LRTM1: variants seen among roughly 807,000 people sequenced by gnomAD.
LRTM1 encodes the protein leucine rich repeat transmembrane protein 1.
Under a neutral mutation model 32.4 loss-of-function variants are expected in LRTM1, and 38 were observed. The observed-to-expected ratio is 1.17, with a 90% CI of 0.91 to 1.54. The LOEUF is 1.54. Among genes scored for constraint, LRTM1 ranks in the 40% most tolerant of loss-of-function variants. The pLI is 0.00. For synonymous variants in LRTM1, 186 were observed against 169.9 expected, an observed-to-expected ratio of 1.09 and a Z score of -0.74; for missense variants, 466 against 415.4, an observed-to-expected ratio of 1.12 and a Z score of -1.06.
At chr3:54,966,793 T>G (rs948261992) in intron 1 of LRTM1, 1 of 152,482 alleles carries the variant, frequency 6.6e-6, no homozygotes, top group African/African-American at 2.4e-5. Flanking sequence ...CACTCCAGCC[T>G]GGACAGCAGA....
At chr3:54,941,350 T>C (rs778405079) in intron 1 of LRTM1, among the ~76,000 whole-genome samples, 19 of 152,190 alleles carry the variant, frequency 1.2e-4, no homozygotes, top group Non-Finnish European at 2.4e-4. Context: ...AGAATCTCAG[T>C]TATGAAGTAA....
At chr3:54,922,584 C>T (rs1051697965) in intron 2 of LRTM1, among the ~76,000 whole-genome samples, 4 of 152,080 alleles carry the variant, frequency 2.6e-5, no homozygotes, top group African/African-American at 9.7e-5. Flanking sequence ...CAATATCGTA[C>T]GTTTTAACCC....
chr3:54,932,519 G>A (rs965971332), upstream of LRTM1, among the ~76,000 whole-genome samples: 4 of 152,094 alleles, frequency 2.6e-5, no homozygotes, highest in Non-Finnish European at 4.4e-5. Context: ...GCAAGTAAAG[G>A]CACATTTCCT....
upstream of LRTM1, among the ~76,000 whole-genome samples, chr3:54,929,730 A>G (rs1424768331): frequency 1.3e-5 from 2 of 152,172 alleles, no homozygotes; most frequent in African/African-American, 2.4e-5. Context: ...TAAGAACTCA[A>G]TGATTTCTTC....
rs774534928 is a variant in LRTM1 at position 54,925,441 on chromosome 3, G to A, written c.8-226C>T. Among the ~76,000 whole-genome samples the A allele has an allele frequency of 1.8e-4, 27 of 152,164 alleles. 1 individual carries two copies. The highest frequency in any genetic ancestry group is 5.9e-5 in the Non-Finnish European group (4 of 68,038). On this transcript the variant is annotated intron_variant, in intron 1 of 2. Transcript: ENST00000273286. Reference sequence around the variant, plus strand: ...GTCTTTGTGCCACCTATCGTCTGAAGCCTTGAGAAAGATACTCTCAGTGTC... The same window carrying A: ...GTCTTTGTGCCACCTATCGTCTGAAACCTTGAGAAAGATACTCTCAGTGTC...
At chr3:54,964,357 A>G (rs1467440996) in intron 1 of LRTM1, among the ~76,000 whole-genome samples, 1 of 152,058 alleles carries the variant, frequency 6.6e-6, no homozygotes, top group Non-Finnish European at 1.5e-5. Flanking sequence ...CCGGGGAAAT[A>G]TGTTGATGAT....
chr3:54,925,104 C>A lies in LRTM1; in HGVS notation c.119G>T (p.Gly40Val), dbSNP rs777534811. 26 of 1,613,952 alleles carry A rather than the reference C, an allele frequency of 1.6e-5. No homozygotes were observed. ...STNFVDCSQQGLAEIPSHLPP... is the reference protein window; with the variant it reads ...STNFVDCSQQVLAEIPSHLPP... ...TAAATGGGAAGGGATTTCGGCCAGA[C>A]CCTGCTGGCTGCAGTCTACAAAATT... The change falls in exon 2 of 3, where the codon GGT becomes GTT. Residue 40 changes from glycine to valine, a missense_variant. Transcript: ENST00000273286.
At chr3:54,941,099 G>A (rs777822695) in intron 1 of LRTM1, among the ~76,000 whole-genome samples, 1 of 152,166 alleles carries the variant, frequency 6.6e-6, no homozygotes, top group Non-Finnish European at 1.5e-5. Flanking sequence ...CATGGTACGA[G>A]TAATGCCGTG....
chr3:54,957,634 C>T (rs1575406592), intron 1 of LRTM1, among the ~76,000 whole-genome samples: 1 of 152,120 alleles, frequency 6.6e-6, no homozygotes. Flanking sequence ...AGTGCTGTAA[C>T]TGGCCAGATT....
chr3:54,930,136 CA>C (rs1299413297), upstream of LRTM1, among the ~76,000 whole-genome samples: 1 of 152,170 alleles, frequency 6.6e-6, no homozygotes, highest in Non-Finnish European at 1.5e-5. Flanking sequence ...ACTTTATTTA[CA>C]AAAACAGGTA....
At chr3:54,939,325 A>G (rs113087687) in intron 1 of LRTM1, among the ~76,000 whole-genome samples, 123 of 152,314 alleles carry the variant, frequency 8.1e-4, no homozygotes, top group African/African-American at 2.0e-3. Flanking sequence ...CTGAGACCCA[A>G]TTTCTAAGGG....
intron 1 of LRTM1, among the ~76,000 whole-genome samples, chr3:54,952,589 G>A (rs1321251074): frequency 2.6e-5 from 4 of 152,134 alleles, no homozygotes; most frequent in African/African-American, 9.7e-5. Context: ...CATATTTTTT[G>A]AAGTAATTTT....
intron 1 of LRTM1, among the ~76,000 whole-genome samples, chr3:54,941,365 CCT>C (rs1183500239): frequency 2.0e-5 from 3 of 152,170 alleles, no homozygotes; most frequent in Non-Finnish European, 4.4e-5. Context: ...AAGTAAGCCC[CCT>C]GTGTGAGAGT....
At chr3:54,930,977 T>G (rs575608134), upstream of LRTM1, among the ~76,000 whole-genome samples, 23 of 152,058 alleles carry the variant, frequency 1.5e-4, no homozygotes, top group East Asian at 4.4e-3. Flanking sequence ...CCTTCTGTAA[T>G]CTCAGCTACT....
intron 1 of LRTM1, among the ~76,000 whole-genome samples, chr3:54,948,076 G>A (rs1467213292): frequency 6.6e-6 from 1 of 152,190 alleles, no homozygotes; most frequent in Admixed American, 6.5e-5. Flanking sequence ...AGATGGTGAT[G>A]TCCAGGTGAA....
At chr3:54,919,341 T>C (rs1700768414) in intron 2 of LRTM1, among the ~76,000 whole-genome samples, 1 of 152,208 alleles carries the variant, frequency 6.6e-6, no homozygotes, top group Non-Finnish European at 1.5e-5. Flanking sequence ...TGTTGTGATG[T>C]TATGTGTTTA....
At chr3:54,936,361 T>C (rs1003926624) in intron 1 of LRTM1, among the ~76,000 whole-genome samples, 7 of 152,158 alleles carry the variant, frequency 4.6e-5, no homozygotes, top group Non-Finnish European at 7.3e-5. Context: ...ATAAAGCCTT[T>C]GTGTGTGTGC....
At chr3:54,964,948 T>G (rs960400407) in intron 1 of LRTM1, among the ~76,000 whole-genome samples, 1 of 152,140 alleles carries the variant, frequency 6.6e-6, no homozygotes, top group Admixed American at 6.6e-5. Flanking sequence ...GCCCTTTCCC[T>G]AGCACTTCCT....
At chr3:54,951,148 G>T (rs58671100) in intron 1 of LRTM1, among the ~76,000 whole-genome samples, 12,671 of 152,174 alleles carry the variant, frequency 0.083, 1,516 homozygotes, top group African/African-American at 0.26. Context: ...TAGGAAAATA[G>T]ATATTGTAAT....
Sources: allele counts gnomAD v4.1 joint callset (sites outside exome capture counted in the v4.1 genomes callset), GRCh38; gene constraint gnomAD v4.1.1; transcripts MANE v1.5; gene names NCBI Gene and HGNC (gene_info 2026-07-23, HGNC 2026-07-21).